UGT1A7: variants seen among roughly 807,000 people sequenced by gnomAD.
UGT1A7 encodes the protein UDP-glucuronosyltransferase 1A7.
Under a neutral mutation model 45.6 loss-of-function variants are expected in UGT1A7, and 33 were observed. The ratio of observed to expected loss-of-function variants is 0.72; its 90% CI spans 0.55 to 0.97. The LOEUF is 0.97. UGT1A7 is among the 50% of genes least tolerant of loss of function. The probability of loss-of-function intolerance (pLI) is 0.00; values close to 1 mark genes in which losing one functional copy is unlikely to be tolerated. For synonymous variants in UGT1A7, 274 were observed against 250.6 expected, an observed-to-expected ratio of 1.09 and a Z score of -0.88; for missense variants, 684 against 666.2, an observed-to-expected ratio of 1.03 and a Z score of -0.29.
At chr2:233,724,057 G>C (rs1302014170) in intron 1 of UGT1A7, among the ~76,000 whole-genome samples, 9 of 86,764 alleles carry the variant, frequency 1.0e-4, no homozygotes, top group Non-Finnish European at 1.5e-4. Flanking sequence ...ACACCTCCCA[G>C]ACGGGGTGGT....
intron 1 of UGT1A7, chr2:233,747,987 G>A: frequency 6.2e-7 from 1 of 1,613,454 alleles, no homozygotes; most frequent in Non-Finnish European, 8.5e-7. Context: ...GCTGTTCCGA[G>A]GGGACTTTGT....
chr2:233,727,259 C>T (rs376711129), intron 1 of UGT1A7, among the ~76,000 whole-genome samples: 2 of 152,098 alleles, frequency 1.3e-5, no homozygotes, highest in African/African-American at 4.8e-5. Flanking sequence ...CAGCCCAGAC[C>T]CCTCCTCATC....
chr2:233,756,486 T>G (rs1239866709), intron 1 of UGT1A7: 1 of 152,220 alleles, frequency 6.6e-6, no homozygotes, highest in East Asian at 1.9e-4. Context: ...TCTGCAGATG[T>G]GAAGCCCAAG....
At chr2:233,701,747 G>C (rs1017552301) in intron 1 of UGT1A7, among the ~76,000 whole-genome samples, 1 of 152,128 alleles carries the variant, frequency 6.6e-6, no homozygotes, top group Non-Finnish European at 1.5e-5. Context: ...AATAACTACT[G>C]GGTACATAAC....
At chr2:233,694,104 A>G (rs760831319) in intron 1 of UGT1A7, among the ~76,000 whole-genome samples, 1 of 152,150 alleles carries the variant, frequency 6.6e-6, no homozygotes, top group Non-Finnish European at 1.5e-5. Flanking sequence ...GCTTAGTTGG[A>G]TAATCTGGGA....
chr2:233,755,067 T>C (rs1054820279), intron 1 of UGT1A7: 7 of 1,335,636 alleles, frequency 5.2e-6, no homozygotes, highest in Non-Finnish European at 7.0e-6. Flanking sequence ...CGCCTCGCCA[T>C]AGCGGTCATA....
At chr2:233,755,170 T>A (rs1240762958) in intron 1 of UGT1A7, 1 of 1,262,070 alleles carries the variant, frequency 7.9e-7, no homozygotes. Context: ...TCGGGGTTTT[T>A]GTCGGGGTGC....
rs761038539 is a variant in UGT1A7 at position 233,743,935 on chromosome 2, C to G, written c.856-23099C>G. 3 of 1,357,014 alleles carry G rather than the reference C, an allele frequency of 2.2e-6. No homozygotes were observed. In the East Asian group the frequency reaches 1.4e-4, roughly 62 times the overall value. 84.1% of individuals were successfully genotyped at this position (1,357,014 alleles called of 1,614,324 possible). On this transcript the variant is annotated intron_variant, in intron 1 of 4. Transcript: ENST00000373426. Reference sequence around the variant, plus strand: ...CCACCATGCTGGATGGCCAGAACGGCCCACCAGGCACTGGCACAGCGAGCG... The same window carrying G: ...CCACCATGCTGGATGGCCAGAACGGGCCACCAGGCACTGGCACAGCGAGCG...
intron 1 of UGT1A7, chr2:233,713,421 A>G (rs28946885): frequency 6.9e-5 from 112 of 1,613,970 alleles, no homozygotes; most frequent in African/African-American, 9.3e-5. Flanking sequence ...CCTGCATGCT[A>G]CTTCCTTTGA....
chr2:233,724,361 G>C (rs2077237961), intron 1 of UGT1A7, among the ~76,000 whole-genome samples: 2 of 148,044 alleles, frequency 1.4e-5, no homozygotes, highest in African/African-American at 2.5e-5. Context: ...CTCCCTCCCG[G>C]ACGGGGTGGC....
chr2:233,770,092 A>G (rs969996398), intron 4 of UGT1A7: 1 of 152,744 alleles, frequency 6.5e-6, no homozygotes, highest in Non-Finnish European at 1.5e-5. Flanking sequence ...AGTGGTATAG[A>G]TAACTACTTG....
intron 1 of UGT1A7, chr2:233,693,687 A>C: frequency 6.2e-7 from 1 of 1,614,230 alleles, no homozygotes; most frequent in South Asian, 1.1e-5. Flanking sequence ...CTGTTTTCAA[A>C]GTATGAAGAA....
rs28505045 is a variant in UGT1A7, at chr2:233,707,706, C to T, written c.855+24914C>T. On this transcript the variant is annotated intron_variant, in intron 1 of 4. Transcript: ENST00000373426. ...GGGCTTTGGGTTGTATCTAGCTTTT[C>T]ACTACTGTGAACAATGTTACAACGA... Among the ~76,000 whole-genome samples, 733 of 152,270 alleles carry T rather than the reference C, an allele frequency of 4.8e-3. 9 individuals are homozygous for T. The highest frequency in any genetic ancestry group is 0.017 in the African/African-American group (690 of 41,542).
At chr2:233,762,775 C>T (rs1417742267) in intron 1 of UGT1A7, among the ~76,000 whole-genome samples, 1 of 151,182 alleles carries the variant, frequency 6.6e-6, no homozygotes, top group African/African-American at 2.4e-5. Context: ...CTATCTCTAG[C>T]TGATTATCTA....
chr2:233,691,099 CT>C (rs1347037651), intron 1 of UGT1A7: 1 of 986,026 alleles, frequency 1.0e-6, no homozygotes, highest in Admixed American at 6.1e-5. Flanking sequence ...CTTGATCCCG[CT>C]ATTCCTACAT....
intron 1 of UGT1A7, among the ~76,000 whole-genome samples, chr2:233,734,927 C>T (rs1223344443): frequency 1.3e-5 from 2 of 152,170 alleles, no homozygotes; most frequent in Non-Finnish European, 2.9e-5. Context: ...GAGTGCTTTA[C>T]TTACAATCAT....
At chr2:233,729,130 G>T (rs1021127658) in intron 1 of UGT1A7, 3 of 1,613,064 alleles carry the variant, frequency 1.9e-6, no homozygotes, top group Admixed American at 3.3e-5. Context: ...TGCTGAGATG[G>T]CCACAGGACT....
chr2:233,757,560 A>ATGTG (rs199649558), intron 1 of UGT1A7, among the ~76,000 whole-genome samples: 1 of 123,156 alleles, frequency 8.1e-6, no homozygotes, highest in African/African-American at 3.4e-5. Context: ...ATATATATAT[A>ATGTG]TGTATATATG....
chr2:233,762,151 A>G (rs1420565083), intron 1 of UGT1A7, among the ~76,000 whole-genome samples: 1 of 152,124 alleles, frequency 6.6e-6, no homozygotes, highest in Non-Finnish European at 1.5e-5. Context: ...CTTTGCATTA[A>G]TCACATCCAC....
Sources: gnomAD v4.1 joint callset for allele counts (sites outside exome capture counted in the v4.1 genomes callset) on GRCh38, gnomAD v4.1.1 for gene constraint, MANE v1.5 for transcripts, NCBI Gene and HGNC (gene_info 2026-07-23, HGNC 2026-07-21) for gene names.